TRIB2: variants seen among roughly 807,000 people sequenced by gnomAD.
TRIB2 encodes the protein tribbles homolog 2.
TRIB2 carries 2 observed loss-of-function variants against 26.8 expected under a neutral mutation model. The observed-to-expected ratio is 0.07, with a 90% CI of 0.03 to 0.24. The LOEUF is 0.24. Ranked by LOEUF, TRIB2 falls within the 10% of genes least tolerant of loss-of-function variation. The probability of loss-of-function intolerance (pLI) is 1.00; values close to 1 mark genes in which losing one functional copy is unlikely to be tolerated. For missense variants in TRIB2, 306 were observed against 449.0 expected (o/e 0.68, Z 2.88); for synonymous variants, 189 against 187.3 (o/e 1.01, Z -0.08).
At chr2:12,731,177 C>T (rs1323769507) in intron 2 of TRIB2, among the ~76,000 whole-genome samples, 1 of 152,174 alleles carries the variant, frequency 6.6e-6, no homozygotes, top group Non-Finnish European at 1.5e-5. Flanking sequence ...AGAATGGTCA[C>T]CTCCGGGAGG....
Position 12,740,629 on chromosome 2 carries a change from G to A in TRIB2, c.867G>A (p.Leu289=). The A allele has an allele frequency of 1.2e-6, 2 of 1,614,210 alleles. No homozygotes were observed. The highest frequency in any genetic ancestry group is 1.7e-6 in the Non-Finnish European group (2 of 1,180,038). ...CCAAGTGCCTCATCCGAAGCATTCT[G>A]CGTCGGGAGCCCTCAGAGCGGCTGA... The part of the protein sequence containing the change: ...PKAKCLIRSI[L]RREPSERLTS... The change falls in exon 3 of 3, where the codon CTG becomes CTA. Residue 289 remains leucine (L), a synonymous_variant. Transcript: ENST00000155926. The surrounding 1 kb of genome is among the most constrained non-coding windows in gnomAD (Gnocchi z 5.8).
chr2:12,739,205 G>T (rs899624236), intron 2 of TRIB2, among the ~76,000 whole-genome samples: 1 of 152,164 alleles, frequency 6.6e-6, no homozygotes, highest in African/African-American at 2.4e-5. Flanking sequence ...GGCCTTGGGA[G>T]TATGAGGGGC....
chr2:12,729,685 A>G (rs1328972757), intron 2 of TRIB2, among the ~76,000 whole-genome samples: 2 of 152,168 alleles, frequency 1.3e-5, no homozygotes, highest in Middle Eastern at 3.2e-3. Flanking sequence ...TCCAGGTTCC[A>G]TGCTTATAAG....
chr2:12,717,097 T>C lies in TRIB2; in HGVS notation c.-1211T>C, dbSNP rs1666607679. ...CTCGGGCACCGTCGGCCGTCCCCTTTAATTTTTAAATACACGGTCCCCTCT... is the reference window on the plus strand; with the variant it reads ...CTCGGGCACCGTCGGCCGTCCCCTTCAATTTTTAAATACACGGTCCCCTCT... On this transcript the variant is annotated 5_prime_UTR_variant, in exon 1 of 3. Coordinates refer to ENST00000155926, the MANE Select transcript of TRIB2 (RefSeq NM_021643.4). This position sits in a 1 kb window ranked among gnomAD's most constrained non-coding sequence, Gnocchi z 4.8. 9.7e-6 allele frequency: 3 copies of C among 308,408 alleles called. No homozygotes were observed. Among genetic ancestry groups the C allele is most frequent in the Non-Finnish European group, 1.8e-5 (3 of 170,296 alleles). 19.1% of individuals were successfully genotyped at this position (308,408 alleles called of 1,614,324 possible).
chr2:12,727,585 G>A (rs1332866431), intron 2 of TRIB2, among the ~76,000 whole-genome samples: 1 of 152,162 alleles, frequency 6.6e-6, no homozygotes, highest in African/African-American at 2.4e-5. Context: ...TGTAGGGAGT[G>A]GAGGATCATA....
chr2:12,729,192 T>G (rs1225589047), intron 2 of TRIB2, among the ~76,000 whole-genome samples: 1 of 152,158 alleles, frequency 6.6e-6, no homozygotes, highest in Non-Finnish European at 1.5e-5. Context: ...GCACTCCCTT[T>G]CCTCATCAGA....
intron 1 of TRIB2, among the ~76,000 whole-genome samples, chr2:12,721,562 T>A (rs1006143154): frequency 3.3e-5 from 5 of 152,206 alleles, no homozygotes; most frequent in Admixed American, 2.6e-4. Flanking sequence ...CATTTCAGAT[T>A]CCTAATTGAA....
chr2:12,718,441 C>A lies in TRIB2; in HGVS notation c.134C>A (p.Ser45Tyr). ...CAGAGTTTCAGCCCGAACCTCGGCT[C>A]CCCGAGCCCGCCCGAGACTCCGAAC... ...PSQSFSPNLG[S>Y]PSPPETPNLS... Residue 45 changes from serine to tyrosine, a missense_variant, in exon 1 of 3, where the codon TCC (serine) becomes TAC (tyrosine). Coordinates refer to ENST00000155926, the MANE Select transcript of TRIB2 (RefSeq NM_021643.4). This position sits in a 1 kb window ranked among gnomAD's most constrained non-coding sequence, Gnocchi z 4.0. 6.2e-7 allele frequency: 1 copy of A among 1,614,216 alleles called. No individual in the cohort carries two copies. Among genetic ancestry groups the A allele is most frequent in the South Asian group, 1.1e-5 (1 of 91,078 alleles).
chr2:12,739,967 A>T (rs960758445), intron 2 of TRIB2, among the ~76,000 whole-genome samples: 2 of 152,186 alleles, frequency 1.3e-5, no homozygotes, highest in Non-Finnish European at 2.9e-5. Context: ...GTGCCCTATC[A>T]TTATGCAAAT....
rs959958225 is a variant in TRIB2, at chr2:12,740,922, G to T, written c.*128G>T. ...ACACACTCTTAAGTTTCTTGGTTCA[G>T]AGCAGGAAAACCTTCAAGGAGCTGA... On this transcript the variant is annotated 3_prime_UTR_variant, in exon 3 of 3. Coordinates refer to ENST00000155926, the MANE Select transcript of TRIB2 (RefSeq NM_021643.4). This position sits in a 1 kb window ranked among gnomAD's most constrained non-coding sequence, Gnocchi z 5.8. 4 of 936,652 alleles carry T rather than the reference G, an allele frequency of 4.3e-6. No individual in the cohort carries two copies. In the African/African-American group the frequency reaches 6.6e-5, roughly 16 times the overall value. The allele number at this position is 936,652 out of a possible 1,614,324, so 58.0% of individuals were successfully genotyped here.
chr2:12,729,810 C>A (rs570482560), intron 2 of TRIB2, among the ~76,000 whole-genome samples: 1 of 152,226 alleles, frequency 6.6e-6, no homozygotes, highest in East Asian at 1.9e-4. Flanking sequence ...AGCAGAGGCA[C>A]AGTGGTCAGA....
chr2:12,720,926 T>C (rs545623541), intron 1 of TRIB2, among the ~76,000 whole-genome samples: 42 of 152,300 alleles, frequency 2.8e-4, no homozygotes, highest in Middle Eastern at 3.4e-3. Context: ...GCAGAATGGG[T>C]ACTTTTTTTT....
chr2:12,737,120 G>A (rs997298890), intron 2 of TRIB2, among the ~76,000 whole-genome samples: 2 of 152,120 alleles, frequency 1.3e-5, no homozygotes, highest in South Asian at 4.1e-4. Context: ...CCCTGCAGCC[G>A]TGACCAAGCC....
At chr2:12,725,018 T>C (rs1344716815) in intron 2 of TRIB2, among the ~76,000 whole-genome samples, 2 of 152,238 alleles carry the variant, frequency 1.3e-5, no homozygotes, top group African/African-American at 2.4e-5. Flanking sequence ...AATGTCATCA[T>C]GTCCATTGTA....
chr2:12,734,414 G>T (rs1406194517), intron 2 of TRIB2, among the ~76,000 whole-genome samples: 1 of 152,110 alleles, frequency 6.6e-6, no homozygotes, highest in Non-Finnish European at 1.5e-5. Flanking sequence ...AAGCATTCCA[G>T]CCCGCGGGAG....
chr2:12,717,699 C>G lies in TRIB2; in HGVS notation c.-609C>G. On this transcript the variant is annotated 5_prime_UTR_variant, in exon 1 of 3. Transcript: ENST00000155926. This position sits in a 1 kb window ranked among gnomAD's most constrained non-coding sequence, Gnocchi z 4.8. The stretch of plus-strand genomic sequence containing the variant: ...TACAGTTAAAACGTAGGTAACTGCC[C>G]TCTCCCGCACCCCCCCCTTACACGC... The G allele has an allele frequency of 7.7e-6, 3 of 389,982 alleles. No homozygotes were observed. Among genetic ancestry groups the G allele is most frequent in the Non-Finnish European group, 1.4e-5 (3 of 221,194 alleles). The allele number at this position is 389,982 out of a possible 1,614,324, so 24.2% of individuals were successfully genotyped here.
intron 2 of TRIB2, among the ~76,000 whole-genome samples, chr2:12,736,052 A>G (rs946468831): frequency 6.6e-6 from 1 of 152,026 alleles, no homozygotes; most frequent in African/African-American, 2.4e-5. Flanking sequence ...GGCCTTAACC[A>G]TTTTCTGAGG....
At chr2:12,735,507 C>A (rs1300357320) in intron 2 of TRIB2, among the ~76,000 whole-genome samples, 1 of 152,090 alleles carries the variant, frequency 6.6e-6, no homozygotes, top group East Asian at 1.9e-4. Flanking sequence ...CCAGCCACTG[C>A]CTTGCCTTGC....
intron 2 of TRIB2, among the ~76,000 whole-genome samples, chr2:12,727,442 C>G (rs1661360382): frequency 6.6e-6 from 1 of 152,182 alleles, no homozygotes; most frequent in African/African-American, 2.4e-5. Context: ...ATTTAGGCCA[C>G]ATTCTCCTCT....
Sources: gnomAD v4.1 joint callset for allele counts (sites outside exome capture counted in the v4.1 genomes callset) on GRCh38, gnomAD v4.1.1 for gene constraint, Gnocchi (gnomAD v3.1) non-coding constraint, MANE v1.5 for transcripts, NCBI Gene and HGNC (gene_info 2026-07-23, HGNC 2026-07-21) for gene names.